Variants in IL10 observed in about 807,000 individuals in gnomAD.
The protein encoded by IL10 is interleukin 10.
Under a neutral mutation model 21.0 loss-of-function variants are expected in IL10, and 7 were observed. The ratio of observed to expected loss-of-function variants is 0.33; its 90% CI spans 0.19 to 0.63. IL10 has a LOEUF of 0.63. Ranked by LOEUF, IL10 falls within the 20% of genes least tolerant of loss-of-function variation. The pLI is 0.77. For synonymous variants in IL10, 83 were observed against 79.7 expected, an observed-to-expected ratio of 1.04 and a Z score of -0.22; for missense variants, 161 against 213.0, an observed-to-expected ratio of 0.76 and a Z score of 1.52.
Position 206,771,009 on chromosome 1 carries a change from C to T in IL10, c.276G>A (p.Glu92=), listed in dbSNP as rs1674814817. 8.7e-6 allele frequency: 14 copies of T among 1,614,176 alleles called. No homozygotes were observed. The highest frequency in any genetic ancestry group is 1.0e-5 in the Non-Finnish European group (12 of 1,180,004). ...GGTTCTCAGCTTGGGGCATCACCTC[C>T]TCCAGGTAAAACTGGATCATCTCAG... ...ALSEMIQFYL[E]EVMPQAENQD... The change falls in exon 3 of 5, where the codon GAG becomes GAA. Residue 92 remains glutamate, a synonymous_variant. Transcript: ENST00000423557.
At chr1:206,770,336 G>T in intron 3 of IL10, 1 of 315,746 alleles carries the variant, frequency 3.2e-6, no homozygotes, top group Non-Finnish European at 6.2e-6. Context: ...TTCCAATATT[G>T]GTGACAGAAC....
chr1:206,769,336 G>A (rs1044052730), intron 4 of IL10, among the ~76,000 whole-genome samples: 4 of 152,248 alleles, frequency 2.6e-5, no homozygotes, highest in African/African-American at 9.6e-5. Context: ...CAGGTGCGAA[G>A]GGCAGATGGA....
intron 4 of IL10, among the ~76,000 whole-genome samples, chr1:206,769,419 G>A (rs1674756857): frequency 6.6e-6 from 1 of 152,236 alleles, no homozygotes; most frequent in Non-Finnish European, 1.5e-5. Flanking sequence ...GGGGAGTCTG[G>A]GCTGAACCCC....
intron 1 of IL10, 117 bp from the exon 2 acceptor site, chr1:206,771,532 C>A: frequency 6.2e-6 from 5 of 801,752 alleles, no homozygotes; most frequent in African/African-American, 1.7e-5. Flanking sequence ...GGCTCTGGCC[C>A]AAAAAAATCA....
intron 3 of IL10, 149 bp from the exon 4 acceptor site, chr1:206,770,043 C>A: frequency 2.8e-6 from 2 of 712,766 alleles, no homozygotes. Flanking sequence ...GCCCTGCTTC[C>A]ATGGCCCTGG....
chr1:206,771,028 A>G lies in IL10; in HGVS notation c.257T>C (p.Met86Thr). The G allele has an allele frequency of 6.2e-7, 1 of 1,614,168 alleles. No individual in the cohort carries two copies. Among genetic ancestry groups the G allele is most frequent in the Non-Finnish European group, 8.5e-7 (1 of 1,180,016 alleles). The change falls in exon 3 of 5, where the codon ATG becomes ACG. Residue 86 changes from methionine to threonine, a missense_variant. Transcript: ENST00000423557. ...CACCTCCTCCAGGTAAAACTGGATC[A>G]TCTCAGACAAGGCTTGGCAACCCAG... is the stretch of plus-strand genomic sequence containing the variant. ...GYLGCQALSE[M>T]IQFYLEEVMP...
At chr1:206,769,763 C>A (rs1057430893) in intron 4 of IL10, 66 bp downstream of exon 4, 2 of 1,254,690 alleles carry the variant, frequency 1.6e-6, no homozygotes, top group Non-Finnish European at 2.3e-6. Flanking sequence ...ACCTTCCATG[C>A]TTTGGGGTTG....
chr1:206,771,732 G>C (rs536659494), intron 1 of IL10, among the ~76,000 whole-genome samples: 1 of 152,280 alleles, frequency 6.6e-6, no homozygotes, highest in East Asian at 1.9e-4. Flanking sequence ...TCAACCCTTC[G>C]GGGCCTTGAG....
intron 4 of IL10, among the ~76,000 whole-genome samples, chr1:206,769,324 C>T (rs1205588475): frequency 2.0e-5 from 3 of 152,252 alleles, no homozygotes; most frequent in Non-Finnish European, 2.9e-5. Flanking sequence ...CAGGCACCTC[C>T]GCAGGTGCGA....
In IL10 at chr1:206,769,815, C is replaced by T; in HGVS notation, c.444+14G>A. The T allele has an allele frequency of 1.2e-6, 2 of 1,608,992 alleles. No homozygotes were observed. The highest frequency in any genetic ancestry group is 1.7e-6 in the Non-Finnish European group (2 of 1,175,406). ...TGTGCTCTGCAGACCCTCTCTGCCA[C>T]CATCCAAGCTCACCTTATTAAAGGC... On this transcript the variant is annotated intron_variant, in intron 4 of 4. Coordinates refer to ENST00000423557, the MANE Select transcript of IL10 (RefSeq NM_000572.3).
At chr1:206,771,782 CT>C (rs1674852077) in intron 1 of IL10, among the ~76,000 whole-genome samples, 1 of 152,246 alleles carries the variant, frequency 6.6e-6, no homozygotes, top group South Asian at 2.1e-4. Flanking sequence ...TTTCTCCCCA[CT>C]GTAGACATCC....
At chr1:206,771,226 G>T in intron 2 of IL10, 130 bp downstream of exon 2, 1 of 1,144,374 alleles carries the variant, frequency 8.7e-7, no homozygotes, top group African/African-American at 1.5e-5. Flanking sequence ...TGGATGTGCT[G>T]AGTTAACATC....
chr1:206,768,199 C>A lies in IL10; in HGVS notation c.*437G>T. 4.0e-6 allele frequency: 1 copy of A among 250,676 alleles called. No homozygotes were observed. Among genetic ancestry groups the A allele is most frequent in the South Asian group, 1.0e-4 (1 of 9,546 alleles). 15.5% of individuals were successfully genotyped at this position (250,676 alleles called of 1,614,324 possible). A position where few individuals can be genotyped will look rare whatever the true frequency, so the allele number is the denominator to read the frequency against. On this transcript the variant is annotated 3_prime_UTR_variant, in exon 5 of 5. Coordinates refer to ENST00000423557, the MANE Select transcript of IL10 (RefSeq NM_000572.3). ...AGAGTATTTGTAGCAGTTAGGAAGC[C>A]CCAAGCCCAGAGACAAGATAAATTA... is the stretch of plus-strand genomic sequence containing the variant.
chr1:206,768,835 T>C, intron 4 of IL10, 107 bp from the exon 5 acceptor site: 1 of 737,626 alleles, frequency 1.4e-6, no homozygotes, highest in Admixed American at 2.0e-5. Context: ...CAGAGGTTGC[T>C]TGTTCTCCCT....
Position 206,772,480 on chromosome 1 carries a change from A to G in IL10, c.-45T>C, listed in dbSNP as rs1313319538. 6.3e-7 allele frequency: 1 copy of G among 1,598,214 alleles called. No homozygotes were observed. Among genetic ancestry groups the G allele is most frequent in the Non-Finnish European group, 8.6e-7 (1 of 1,167,574 alleles). On this transcript the variant is annotated 5_prime_UTR_variant, in exon 1 of 5. Coordinates refer to ENST00000423557, the MANE Select transcript of IL10 (RefSeq NM_000572.3). Reference sequence around the variant, plus strand: ...TCTTGTGGTTTGGTTTTGCAAGAGCAAGCCCCTGATGTGTAGACCTTCACC... The same window carrying G: ...TCTTGTGGTTTGGTTTTGCAAGAGCGAGCCCCTGATGTGTAGACCTTCACC...
chr1:206,772,212 GA>G, intron 1 of IL10, 58 bp downstream of exon 1: 1 of 1,467,468 alleles, frequency 6.8e-7, no homozygotes, highest in South Asian at 1.1e-5. Context: ...AGTTCCAGGA[GA>G]ATGTCTAGTT....
At chr1:206,771,184 G>A in intron 2 of IL10, 125 bp from the exon 3 acceptor site, 1 of 1,234,322 alleles carries the variant, frequency 8.1e-7, no homozygotes, top group Non-Finnish European at 1.2e-6. Flanking sequence ...CCTCCCCGAA[G>A]GGACTGAGCC....
intron 1 of IL10, 109 bp downstream of exon 1, chr1:206,772,162 G>A: frequency 5.3e-6 from 5 of 940,624 alleles, no homozygotes; most frequent in Admixed American, 1.9e-5. Flanking sequence ...GGGAATAGGT[G>A]TTGGGGATGG....
intron 1 of IL10, among the ~76,000 whole-genome samples, chr1:206,771,714 C>T (rs1159652825): frequency 6.6e-6 from 1 of 152,220 alleles, no homozygotes. Context: ...CTTTAAGGGA[C>T]ACCTATGTCA....
Sources: gnomAD v4.1 joint callset for allele counts (sites outside exome capture counted in the v4.1 genomes callset) on GRCh38, gnomAD v4.1.1 for gene constraint, MANE v1.5 for transcripts, NCBI Gene and HGNC (gene_info 2026-07-23, HGNC 2026-07-21) for gene names.